The following GTF2E1 variants were observed in gnomAD, a reference collection of about 807,000 sequenced individuals.
GTF2E1 encodes the protein general transcription factor IIE subunit 1.
A neutral mutation model predicts 34.9 loss-of-function variants in GTF2E1; 14 were observed. The ratio of observed to expected loss-of-function variants is 0.40; its 90% CI spans 0.27 to 0.63. GTF2E1 has a LOEUF of 0.63. Among genes scored for constraint, GTF2E1 ranks in the 20% least tolerant of loss-of-function variants. The pLI is 0.39. For synonymous variants in GTF2E1, 188 were observed against 192.9 expected (o/e 0.97, Z 0.21); for missense variants, 469 against 557.7 (o/e 0.84, Z 1.60).
At chr3:120,771,759 T>G (rs1409870570) in intron 3 of GTF2E1, among the ~76,000 whole-genome samples, 2 of 152,178 alleles carry the variant, frequency 1.3e-5, no homozygotes, top group African/African-American at 4.8e-5. Context: ...TTTTAGATGG[T>G]TCAAAGCAAT....
chr3:120,762,313 G>T (rs866497465), intron 2 of GTF2E1, among the ~76,000 whole-genome samples: 9 of 152,090 alleles, frequency 5.9e-5, no homozygotes, highest in African/African-American at 2.2e-4. Context: ...TGACAATGGG[G>T]TGTTAAAGTC....
Position 120,776,556 on chromosome 3 carries a change from G to A in GTF2E1, c.784G>A (p.Glu262Lys). The change falls in exon 4 of 5, where the codon GAA becomes AAA. Residue 262 changes from glutamate (E) to lysine (K), a missense_variant. Transcript: ENST00000283875. ...QNVVINMDDQ[E>K]DLHRASLEGK... ...TGTTGTCATTAACATGGATGACCAAGAAGATCTTCATCGAGCCTCACTGGA... is the reference window on the plus strand; with the variant it reads ...TGTTGTCATTAACATGGATGACCAAAAAGATCTTCATCGAGCCTCACTGGA... 6.2e-7 allele frequency: 1 copy of A among 1,614,032 alleles called. No individual in the cohort carries two copies. Among genetic ancestry groups the A allele is most frequent in the Non-Finnish European group, 8.5e-7 (1 of 1,179,926 alleles).
At chr3:120,772,946 ATCT>A (rs1291140986) in intron 3 of GTF2E1, among the ~76,000 whole-genome samples, 1 of 152,082 alleles carries the variant, frequency 6.6e-6, no homozygotes, top group Non-Finnish European at 1.5e-5. Context: ...GTATCAAGTC[ATCT>A]TCTTCTTATC....
At chr3:120,776,705 TGTAGAACATGAACTTGGCTTA>T in intron 4 of GTF2E1, 41 bp downstream of exon 4, 1 of 1,569,402 alleles carries the variant, frequency 6.4e-7, no homozygotes, top group Non-Finnish European at 8.7e-7. Context: ...TCTTAGGTTC[TGTAGAACATGAACTTGGCTTA>T]GTGGGAAACT....
intron 2 of GTF2E1, among the ~76,000 whole-genome samples, chr3:120,752,284 A>G (rs972324284): frequency 7.9e-5 from 12 of 152,200 alleles, no homozygotes; most frequent in African/African-American, 7.2e-5. Context: ...CTATAGAGGA[A>G]GGTTGTAGAA....
intron 2 of GTF2E1, among the ~76,000 whole-genome samples, chr3:120,762,493 C>T (rs911369290): frequency 6.6e-6 from 1 of 152,032 alleles, no homozygotes; most frequent in Non-Finnish European, 1.5e-5. Context: ...TCTTTTGATG[C>T]AAAGTGATTC....
chr3:120,778,374 A>G (rs1281101840), intron 4 of GTF2E1, among the ~76,000 whole-genome samples: 1 of 152,228 alleles, frequency 6.6e-6, no homozygotes, highest in Admixed American at 6.5e-5. Context: ...TTGATAGTAG[A>G]GCAGACTCTA....
At chr3:120,772,768 A>G (rs1709364157) in intron 3 of GTF2E1, among the ~76,000 whole-genome samples, 2 of 152,118 alleles carry the variant, frequency 1.3e-5, no homozygotes, top group Non-Finnish European at 2.9e-5. Context: ...CTTCCCCACT[A>G]CAATAGCATT....
At chr3:120,768,781 G>T (rs1051873144) in intron 2 of GTF2E1, among the ~76,000 whole-genome samples, 2 of 152,158 alleles carry the variant, frequency 1.3e-5, no homozygotes, top group Non-Finnish European at 2.9e-5. Context: ...GAGACAGCTT[G>T]GAACAGTTGG....
At chr3:120,779,640 A>G (rs960591415) in intron 4 of GTF2E1, among the ~76,000 whole-genome samples, 4 of 152,238 alleles carry the variant, frequency 2.6e-5, no homozygotes, top group African/African-American at 9.6e-5. Context: ...CTTTATCCAT[A>G]GTCAGAATTG....
chr3:120,781,650 G>T lies in GTF2E1; in HGVS notation c.*180G>T, dbSNP rs976358433. The T allele has an allele frequency of 2.7e-5, 16 of 594,548 alleles. No individual in the cohort carries two copies. The Admixed American group carries it at 4.8e-4, about 18-fold the overall frequency. The allele number at this position is 594,548 out of a possible 1,614,324, so 36.8% of individuals were successfully genotyped here. A position where few individuals can be genotyped will look rare whatever the true frequency, so the allele number is the denominator to read the frequency against. ...GCCAGAAACTTTCCCAGCAAGGTAG[G>T]GTGCTGAGAATCCTACCCTTCCTTG... On this transcript the variant is annotated 3_prime_UTR_variant, in exon 5 of 5. Transcript: ENST00000283875.
chr3:120,749,572 A>G (rs1172408787), intron 1 of GTF2E1, among the ~76,000 whole-genome samples: 2 of 152,130 alleles, frequency 1.3e-5, no homozygotes, highest in East Asian at 1.9e-4. Flanking sequence ...ATTTGCGTAT[A>G]TTGAACCAGC....
In GTF2E1 at chr3:120,767,741, C is replaced by T. The variant is rs117687795; in HGVS notation, c.449-2987C>T. 7.2e-4 allele frequency among the ~76,000 whole-genome samples: 109 copies of T among 152,304 alleles called. 1 individual carries two copies. In the East Asian group the frequency reaches 0.017, roughly 24 times the overall value. ...ACAGTTCTTAGTAATAATGTTAAAG[C>T]TGCTGTTTTCATACCTGCAAAATCA... On this transcript the variant is annotated intron_variant, in intron 2 of 4. Coordinates refer to ENST00000283875, the MANE Select transcript of GTF2E1 (RefSeq NM_005513.3).
chr3:120,753,132 T>A (rs922318887), intron 2 of GTF2E1, among the ~76,000 whole-genome samples: 1 of 152,162 alleles, frequency 6.6e-6, no homozygotes. Flanking sequence ...TTTTTTTTTT[T>A]AAACTATTAA....
At chr3:120,748,236 C>T (rs1348561532) in intron 1 of GTF2E1, among the ~76,000 whole-genome samples, 2 of 151,872 alleles carry the variant, frequency 1.3e-5, no homozygotes, top group Non-Finnish European at 2.9e-5. Flanking sequence ...TTTTGCTGTG[C>T]AGAAGCTCTT....
At chr3:120,755,299 A>G (rs1709199059) in intron 2 of GTF2E1, among the ~76,000 whole-genome samples, 1 of 152,154 alleles carries the variant, frequency 6.6e-6, no homozygotes, top group Admixed American at 6.5e-5. Flanking sequence ...TGGTTTGGAC[A>G]GATCCATTTC....
chr3:120,744,126 G>A (rs1353249001), intron 1 of GTF2E1, among the ~76,000 whole-genome samples: 1 of 152,162 alleles, frequency 6.6e-6, no homozygotes. Flanking sequence ...TTTTTCCTCA[G>A]ATATTTCCAA....
At chr3:120,759,169 GTGA>G (rs1240437030) in intron 2 of GTF2E1, among the ~76,000 whole-genome samples, 2 of 152,216 alleles carry the variant, frequency 1.3e-5, no homozygotes, top group Non-Finnish European at 2.9e-5. Flanking sequence ...CTGATGACCA[GTGA>G]TGATGAGCAT....
intron 1 of GTF2E1, among the ~76,000 whole-genome samples, chr3:120,744,096 A>G (rs956287952): frequency 6.6e-6 from 1 of 151,854 alleles, no homozygotes; most frequent in African/African-American, 2.4e-5. Context: ...TATTGTTTCC[A>G]TGTGGGAACA....
Sources: gnomAD v4.1 joint callset for allele counts (sites outside exome capture counted in the v4.1 genomes callset) on GRCh38, gnomAD v4.1.1 for gene constraint, MANE v1.5 for transcripts, NCBI Gene and HGNC (gene_info 2026-07-23, HGNC 2026-07-21) for gene names.